The following LHCGR variants were observed in gnomAD, a reference collection of about 807,000 sequenced individuals.
The protein encoded by LHCGR is lutropin-choriogonadotropic hormone receptor.
Under a neutral mutation model 60.7 loss-of-function variants are expected in LHCGR, and 55 were observed. The ratio of observed to expected loss-of-function variants is 0.91; its 90% CI spans 0.73 to 1.13. The LOEUF (loss-of-function observed/expected upper bound fraction) is 1.13, where lower values mean the gene tolerates loss of function less well. Ranked by LOEUF, LHCGR falls within the 50% of genes most tolerant of loss-of-function variation. LHCGR has a pLI of 0.00. For missense variants in LHCGR, 862 were observed against 836.0 expected (o/e 1.03, Z -0.38); for synonymous variants, 337 against 316.5 (o/e 1.06, Z -0.69).
intron 4 of LHCGR, 53 bp from the exon 5 acceptor site, chr2:48,723,749 G>T: frequency 1.6e-6 from 2 of 1,257,200 alleles, no homozygotes; most frequent in East Asian, 2.3e-5. Context: ...AAAAGTGATT[G>T]TCATTAAGAC....
rs577329207 is a variant in LHCGR at position 48,743,203 on chromosome 2, A to G, written c.162-11905T>C. Among the ~76,000 whole-genome samples the G allele has an allele frequency of 3.7e-3, 570 of 152,312 alleles. 5 individuals are homozygous for G. Among genetic ancestry groups the G allele is most frequent in the South Asian group, 0.016 (77 of 4,826 alleles). On this transcript the variant is annotated intron_variant, in intron 1 of 10. Coordinates refer to ENST00000294954, the MANE Select transcript of LHCGR (RefSeq NM_000233.4). The stretch of plus-strand genomic sequence containing the variant: ...ATCTGAAATTGTGGCAATAATCAAT[A>G]GCTTACCAACCAAAAAGAGTCCAGG...
intron 6 of LHCGR, among the ~76,000 whole-genome samples, chr2:48,715,265 G>A (rs768168955): frequency 4.6e-5 from 7 of 152,152 alleles, no homozygotes; most frequent in African/African-American, 9.7e-5. Context: ...AGAACAGTGC[G>A]TGGCACCTGG....
chr2:48,725,270 A>G (rs1558865753), intron 4 of LHCGR, among the ~76,000 whole-genome samples: 1 of 152,232 alleles, frequency 6.6e-6, no homozygotes, highest in Admixed American at 6.5e-5. Context: ...GAGATAAAGG[A>G]GATCAGAAAC....
At chr2:48,751,020 A>G (rs13405728) in intron 1 of LHCGR, among the ~76,000 whole-genome samples, 22,186 of 152,172 alleles carry the variant, frequency 0.15, 2,472 homozygotes, top group African/African-American at 0.28. Context: ...GCACATGTTG[A>G]ACAAATGGCT....
chr2:48,732,365 A>G (rs1669032793), intron 1 of LHCGR, among the ~76,000 whole-genome samples: 1 of 152,322 alleles, frequency 6.6e-6, no homozygotes, highest in Non-Finnish European at 1.5e-5. Flanking sequence ...TGCAGCAGAG[A>G]CTGCTTTAAG....
At chr2:48,692,952 G>A (rs1256194750) in intron 10 of LHCGR, among the ~76,000 whole-genome samples, 1 of 152,212 alleles carries the variant, frequency 6.6e-6, no homozygotes, top group Non-Finnish European at 1.5e-5. Flanking sequence ...GCAAACTTAA[G>A]GTTGTATATG....
chr2:48,714,240 A>T (rs1290275116), intron 6 of LHCGR, among the ~76,000 whole-genome samples, 186 bp from the exon 7 acceptor site: 1 of 152,116 alleles, frequency 6.6e-6, no homozygotes, highest in East Asian at 1.9e-4. Context: ...TTCATCAGCC[A>T]CTCTATGTTT....
chr2:48,711,383 C>G (rs1211325575), intron 7 of LHCGR, among the ~76,000 whole-genome samples: 2 of 152,294 alleles, frequency 1.3e-5, no homozygotes, highest in East Asian at 1.9e-4. Flanking sequence ...CCATTGCAGA[C>G]TCAGTACCTA....
At chr2:48,730,372 G>A (rs1287975282) in intron 2 of LHCGR, among the ~76,000 whole-genome samples, 1 of 152,154 alleles carries the variant, frequency 6.6e-6, no homozygotes. Context: ...CGACAAGTCC[G>A]TAACCTGCAG....
intron 8 of LHCGR, among the ~76,000 whole-genome samples, chr2:48,708,151 C>T (rs1462889928): frequency 2.6e-5 from 4 of 152,172 alleles, no homozygotes; most frequent in African/African-American, 4.8e-5. Flanking sequence ...CCTATTCGGC[C>T]GTCTTGGAAA....
chr2:48,743,655 A>G (rs1242908434), intron 1 of LHCGR, among the ~76,000 whole-genome samples: 2 of 152,318 alleles, frequency 1.3e-5, no homozygotes, highest in African/African-American at 2.4e-5. Flanking sequence ...CCTTCATGCT[A>G]AAAACTCTCA....
At chr2:48,706,518 A>G (rs1305934603) in intron 8 of LHCGR, among the ~76,000 whole-genome samples, 2 of 152,254 alleles carry the variant, frequency 1.3e-5, no homozygotes, top group Non-Finnish European at 2.9e-5. Context: ...CATCACTTTC[A>G]GGTACACCAA....
At chr2:48,722,831 C>T (rs1470836656) in intron 6 of LHCGR, among the ~76,000 whole-genome samples, 1 of 152,170 alleles carries the variant, frequency 6.6e-6, no homozygotes, top group Non-Finnish European at 1.5e-5. Context: ...TCAGAAGATG[C>T]TGAAGATCAT....
intron 1 of LHCGR, among the ~76,000 whole-genome samples, chr2:48,750,884 T>C (rs534792121): frequency 6.6e-6 from 1 of 152,222 alleles, no homozygotes. Flanking sequence ...AAGGCAGCGC[T>C]CCTGGCCAGG....
rs773197168 is a variant in LHCGR at position 48,723,537 on chromosome 2, G to T, written c.459-4C>A. On this transcript the variant is annotated splice_polypyrimidine_tract_variant and splice_region_variant and intron_variant, in intron 5 of 10. Transcript: ENST00000294954. ...GTGTAAGTTATCACAAATTTCCCTTGAGGAAAGAAATGAGAAATATTTACT... is the reference window on the plus strand; with the variant it reads ...GTGTAAGTTATCACAAATTTCCCTTTAGGAAAGAAATGAGAAATATTTACT... The T allele has an allele frequency of 3.1e-6, 5 of 1,611,572 alleles. No individual in the cohort carries two copies. Among genetic ancestry groups the T allele is most frequent in the Non-Finnish European group, 3.4e-6 (4 of 1,177,698 alleles).
chr2:48,725,627 A>T, intron 4 of LHCGR, 49 bp downstream of exon 4: 1 of 1,246,022 alleles, frequency 8.0e-7, no homozygotes, highest in Non-Finnish European at 1.2e-6. Flanking sequence ...GATTTTCATC[A>T]GATGCCCATC....
chr2:48,752,529 CTTTTT>C (rs11327396), intron 1 of LHCGR, among the ~76,000 whole-genome samples: 1 of 144,378 alleles, frequency 6.9e-6, no homozygotes. Context: ...TTTAAGCTTT[CTTTTT>C]TTTTTTTTTT....
chr2:48,741,870 T>G (rs1297423528), intron 1 of LHCGR, among the ~76,000 whole-genome samples: 1 of 151,054 alleles, frequency 6.6e-6, no homozygotes, highest in South Asian at 2.1e-4. Context: ...ATGGACTAAA[T>G]GCTCCAATTA....
At chr2:48,749,981 T>G (rs4555391) in intron 1 of LHCGR, among the ~76,000 whole-genome samples, 59,945 of 152,046 alleles carry the variant, frequency 0.39, 12,623 homozygotes, top group Middle Eastern at 0.49. Flanking sequence ...AGGTCAGGTT[T>G]AAGAGTTGCC....
Sources: gnomAD v4.1 joint callset for allele counts (sites outside exome capture counted in the v4.1 genomes callset) on GRCh38, gnomAD v4.1.1 for gene constraint, MANE v1.5 for transcripts, NCBI Gene and HGNC (gene_info 2026-07-23, HGNC 2026-07-21) for gene names.